GAPVD1: variants seen among roughly 807,000 people sequenced by gnomAD.
GAPVD1 encodes the protein GTPase activating protein and VPS9 domains 1, also known as GTPase-activating protein and VPS9 domain-containing protein 1.
In GAPVD1, 35 loss-of-function variants were observed where a neutral mutation model predicts 155.5. The ratio of observed to expected loss-of-function variants is 0.23; its 90% CI spans 0.17 to 0.30. The LOEUF (loss-of-function observed/expected upper bound fraction) is 0.30, where lower values mean the gene tolerates loss of function less well. Ranked by LOEUF, GAPVD1 falls within the 10% of genes least tolerant of loss-of-function variation. The pLI, the probability that GAPVD1 is intolerant of heterozygous loss-of-function variation, is 1.00. For missense variants in GAPVD1, 1,429 were observed against 1,775.7 expected (o/e 0.80, Z 3.51); for synonymous variants, 636 against 619.7 (o/e 1.03, Z -0.39).
At chr9:125,357,998 C>T (rs781664218) in intron 25 of GAPVD1, among the ~76,000 whole-genome samples, 1 of 151,706 alleles carries the variant, frequency 6.6e-6, no homozygotes, top group Non-Finnish European at 1.5e-5. Flanking sequence ...CACACACACA[C>T]ACACACACAA....
At chr9:125,293,877 T>TATATA (rs1839310550) in intron 2 of GAPVD1, among the ~76,000 whole-genome samples, 2 of 18,182 alleles carry the variant, frequency 1.1e-4, no homozygotes, top group African/African-American at 5.6e-4. Flanking sequence ...TATATATATA[T>TATATA]ATATATATAT....
chr9:125,300,153 T>C (rs1265517855), intron 4 of GAPVD1, among the ~76,000 whole-genome samples: 1 of 140,912 alleles, frequency 7.1e-6, no homozygotes, highest in Non-Finnish European at 1.5e-5. Flanking sequence ...CACATTTTAT[T>C]GTCTTAATAC....
intron 19 of GAPVD1, among the ~76,000 whole-genome samples, chr9:125,342,547 C>A (rs913342877): frequency 6.6e-6 from 1 of 152,192 alleles, no homozygotes; most frequent in African/African-American, 2.4e-5. Flanking sequence ...GGCCCCTGAT[C>A]CTGAGCCTCT....
At chr9:125,268,196 C>G (rs1564243170) in intron 1 of GAPVD1, among the ~76,000 whole-genome samples, 1 of 43,560 alleles carries the variant, frequency 2.3e-5, no homozygotes, top group Non-Finnish European at 5.5e-5. Flanking sequence ...AACAAACAAC[C>G]CCCCCCCCCA....
chr9:125,338,761 G>A (rs894070712), intron 17 of GAPVD1, among the ~76,000 whole-genome samples: 13 of 152,094 alleles, frequency 8.5e-5, no homozygotes, highest in African/African-American at 3.1e-4. Context: ...AGGAAATGTT[G>A]TCTTCCAGGC....
chr9:125,330,941 T>C (rs917157341), intron 13 of GAPVD1, among the ~76,000 whole-genome samples: 3 of 152,102 alleles, frequency 2.0e-5, no homozygotes, highest in Non-Finnish European at 4.4e-5. Context: ...ACATGCTTAA[T>C]GTGTTTTTGA....
rs1359686526 is a variant in GAPVD1 at position 125,307,765 on chromosome 9, A to G, written c.1326A>G (p.Ala442=). 10 of 1,613,998 alleles carry G rather than the reference A, an allele frequency of 6.2e-6. No individual in the cohort carries two copies. Among genetic ancestry groups the G allele is most frequent in the Non-Finnish European group, 8.5e-6 (10 of 1,179,858 alleles). Residue 442 remains alanine (A), a synonymous_variant, in exon 8 of 28, where the codon GCA becomes GCG. Coordinates refer to ENST00000297933, the MANE Select transcript of GAPVD1 (RefSeq NM_001282680.3). ...EDRMALDNLL[A]NLPPAKPGKS... is the part of the protein sequence containing the mutation. ...GAATGGCTCTTGACAATTTATTGGCAAACCTACCCCCGGCCAAGCCAGGAA... is the reference window on the plus strand; with the variant it reads ...GAATGGCTCTTGACAATTTATTGGCGAACCTACCCCCGGCCAAGCCAGGAA...
chr9:125,263,666 T>G (rs1833346967), intron 1 of GAPVD1: 2 of 957,338 alleles, frequency 2.1e-6, no homozygotes, highest in Non-Finnish European at 3.4e-6. Context: ...TCAGCTTTCT[T>G]GTCGGCACTA....
chr9:125,330,039 G>A (rs1177962223), intron 12 of GAPVD1, 39 bp from the exon 13 acceptor site: 4 of 1,538,240 alleles, frequency 2.6e-6, no homozygotes, highest in African/African-American at 1.4e-5. Context: ...CTTTCCTCCA[G>A]GATCTTTGTT....
Position 125,302,072 on chromosome 9 carries a change from A to G in GAPVD1, c.275A>G (p.Gln92Arg), listed in dbSNP as rs180727176. Reference protein sequence around the residue: ...FVDGYKQLGFQETAYGEFLSR... With the variant: ...FVDGYKQLGFRETAYGEFLSR... ...GATGGGTATAAGCAATTGGGATTTC[A>G]GGAGACTGCTTATGGAGAATTCTTG... The change falls in exon 5 of 28, where the codon CAG becomes CGG. Residue 92 changes from glutamine (Q) to arginine (R), a missense_variant. This residue lies in a region of GAPVD1 where 628 missense variants were observed against 733.4 expected (regional missense o/e 0.86). Transcript: ENST00000297933. 9.9e-6 allele frequency: 16 copies of G among 1,613,148 alleles called. No homozygotes were observed. The East Asian group carries it at 3.1e-4, about 31-fold the overall frequency.
chr9:125,319,181 TATAATAATA>T (rs201922569), intron 9 of GAPVD1, among the ~76,000 whole-genome samples: 4 of 139,318 alleles, frequency 2.9e-5, no homozygotes, highest in African/African-American at 1.1e-4. Context: ...GTCTCAAAAA[TATAATAATA>T]ATAATAATAA....
chr9:125,269,326 G>GT (rs1834495924), intron 2 of GAPVD1, among the ~76,000 whole-genome samples: 1 of 151,852 alleles, frequency 6.6e-6, no homozygotes, highest in Non-Finnish European at 1.5e-5. Flanking sequence ...TTGGGAGGCT[G>GT]TTTTTTTGTC....
At chr9:125,279,443 C>A (rs1285633789) in intron 2 of GAPVD1, among the ~76,000 whole-genome samples, 1 of 150,710 alleles carries the variant, frequency 6.6e-6, no homozygotes, top group Non-Finnish European at 1.5e-5. Flanking sequence ...TGGTGGCACA[C>A]GCCTGTAATC....
chr9:125,263,618 GTC>G, intron 1 of GAPVD1: 3 of 1,349,676 alleles, frequency 2.2e-6, no homozygotes, highest in Non-Finnish European at 3.1e-6. Context: ...GACCAAATCC[GTC>G]TCAACTGGAA....
At position 125,366,625 on chromosome 9, in the gene GAPVD1, C is replaced by G. The variant is rs1851482646; in HGVS notation, c.*3879C>G. 1 of 152,178 alleles carries G rather than the reference C, an allele frequency of 6.6e-6. No individual in the cohort carries two copies. Among genetic ancestry groups the G allele is most frequent in the African/African-American group, 2.4e-5 (1 of 41,438 alleles). 9.4% of individuals were successfully genotyped at this position (152,178 alleles called of 1,614,324 possible). A position where few individuals can be genotyped will look rare whatever the true frequency, so the allele number is the denominator to read the frequency against. Reference sequence around the variant, plus strand: ...TTAAGGGAAGTAAATCTGAAACTATCTTGAAGCCCAAAGGATTTTTAGTAA... The same window carrying G: ...TTAAGGGAAGTAAATCTGAAACTATGTTGAAGCCCAAAGGATTTTTAGTAA... On this transcript the variant is annotated 3_prime_UTR_variant, in exon 28 of 28. Coordinates refer to ENST00000297933, the MANE Select transcript of GAPVD1 (RefSeq NM_001282680.3).
intron 9 of GAPVD1, among the ~76,000 whole-genome samples, chr9:125,314,724 C>T (rs72767055): frequency 0.012 from 1,824 of 151,520 alleles, 13 homozygotes; most frequent in Non-Finnish European, 0.018. Flanking sequence ...ATCTTGACTC[C>T]CTAAAGATAG....
At position 125,350,311 on chromosome 9, in the gene GAPVD1, C is replaced by A. The variant is rs1442902754; in HGVS notation, c.3316C>A (p.Leu1106Met). Residue 1106 changes from leucine (L) to methionine (M), a missense_variant, in exon 22 of 28, where the codon CTG becomes ATG. Leu to Met is a conservative substitution (Grantham distance 15). Around this residue, in one of 4 missense-constraint regions of GAPVD1, gnomAD observed 699 missense variants for 826.0 expected, o/e 0.85. Transcript: ENST00000297933. ...AFSYRDAKKKLRLALCSADSV... is the reference protein window; with the variant it reads ...AFSYRDAKKKMRLALCSADSV... ...ATTTTTCAGAGATGCAAAAAAGAAA[C>A]TGAGGCTTGCTCTTTGCTCTGCGGA... is the stretch of plus-strand genomic sequence containing the variant. 6.3e-7 allele frequency: 1 copy of A among 1,585,028 alleles called. No individual in the cohort carries two copies. The highest frequency in any genetic ancestry group is 2.3e-5 in the East Asian group (1 of 44,158).
At chr9:125,309,843 G>A (rs1456459051) in intron 8 of GAPVD1, 3 of 318,530 alleles carry the variant, frequency 9.4e-6, no homozygotes, top group Non-Finnish European at 2.1e-5. Flanking sequence ...TTGTTACCTG[G>A]CTATTGCATT....
chr9:125,305,221 G>A, intron 6 of GAPVD1, 72 bp downstream of exon 6: 1 of 936,634 alleles, frequency 1.1e-6, no homozygotes, highest in South Asian at 1.4e-5. Flanking sequence ...ATTAAATCTT[G>A]TCCTTAGGTG....
Sources: allele counts gnomAD v4.1 joint callset (sites outside exome capture counted in the v4.1 genomes callset), GRCh38; gene constraint gnomAD v4.1.1; regional missense constraint gnomAD v4.1.1; transcripts MANE v1.5; gene names NCBI Gene and HGNC (gene_info 2026-07-23, HGNC 2026-07-21).